The following AMBRA1 variants were observed in gnomAD, a reference collection of about 807,000 sequenced individuals.
AMBRA1 encodes the protein activating molecule in BECN1-regulated autophagy protein 1.
In AMBRA1, 47 loss-of-function variants were observed where a neutral mutation model predicts 125.4. That is an observed-to-expected ratio of 0.37 (90% confidence interval 0.30 to 0.48). The LOEUF (loss-of-function observed/expected upper bound fraction) is 0.48, where lower values mean the gene tolerates loss of function less well. AMBRA1 is among the 20% of genes least tolerant of loss of function. The pLI, the probability that AMBRA1 is intolerant of heterozygous loss-of-function variation, is 0.99. For missense variants in AMBRA1, 1,331 were observed against 1,693.4 expected, an observed-to-expected ratio of 0.79 and a Z score of 3.76; for synonymous variants, 626 against 655.5, an observed-to-expected ratio of 0.95 and a Z score of 0.69.
At chr11:46,515,431 C>A (rs568479449) in intron 7 of AMBRA1, among the ~76,000 whole-genome samples, 2 of 152,248 alleles carry the variant, frequency 1.3e-5, no homozygotes, top group African/African-American at 4.8e-5. Flanking sequence ...TGAGATCGCA[C>A]TACTGCACTC....
chr11:46,433,746 G>A, intron 13 of AMBRA1, 118 bp from the exon 14 acceptor site: 1 of 1,087,120 alleles, frequency 9.2e-7, no homozygotes, highest in South Asian at 1.5e-5. Flanking sequence ...TCATCCTGGT[G>A]TTATCTCATA....
intron 12 of AMBRA1, among the ~76,000 whole-genome samples, chr11:46,441,813 G>A (rs1008155377): frequency 6.6e-6 from 1 of 152,010 alleles, no homozygotes; most frequent in Non-Finnish European, 1.5e-5. Flanking sequence ...TTTCAACAAA[G>A]ATTTAATGGA....
intron 17 of AMBRA1, among the ~76,000 whole-genome samples, chr11:46,398,500 T>C (rs974450432): frequency 6.6e-6 from 1 of 152,202 alleles, no homozygotes; most frequent in Non-Finnish European, 1.5e-5. Flanking sequence ...ATTGATTGAT[T>C]GATTGATGGA....
chr11:46,428,656 C>G, intron 14 of AMBRA1: 1 of 1,594,066 alleles, frequency 6.3e-7, no homozygotes, highest in Non-Finnish European at 8.5e-7. Context: ...TCCAATTTTA[C>G]TGAGGTGGCT....
intron 6 of AMBRA1, 105 bp downstream of exon 6, chr11:46,543,870 A>G (rs1042024546): frequency 2.2e-6 from 2 of 924,588 alleles, no homozygotes; most frequent in Admixed American, 2.1e-5. Context: ...TGGAAAGATA[A>G]GACTTGGGTA....
In AMBRA1 at chr11:46,481,513, G is replaced by T. The variant is rs548135263; in HGVS notation, c.2521+12095C>A. Among the ~76,000 whole-genome samples, 14 of 152,158 alleles carry T rather than the reference G, an allele frequency of 9.2e-5. No individual in the cohort carries two copies. In the South Asian group the frequency reaches 1.7e-3, roughly 18 times the overall value. ...TGAGTAGCTGGGATTACAGGCATGC[G>T]TCACCATGCCTGGCTAATTTTATAT... On this transcript the variant is annotated intron_variant, in intron 11 of 17. Transcript: ENST00000683756.
intron 7 of AMBRA1, among the ~76,000 whole-genome samples, chr11:46,536,095 G>T (rs1325740164): frequency 6.6e-6 from 1 of 152,124 alleles, no homozygotes; most frequent in African/African-American, 2.4e-5. Context: ...TATAGTAATA[G>T]GTTTTTTAAT....
intron 13 of AMBRA1, among the ~76,000 whole-genome samples, chr11:46,434,646 T>C (rs1194993522): frequency 6.6e-6 from 1 of 152,200 alleles, no homozygotes; most frequent in Non-Finnish European, 1.5e-5. Flanking sequence ...AACAGGGGCA[T>C]GCGGTAGGAC....
intron 14 of AMBRA1, among the ~76,000 whole-genome samples, chr11:46,418,729 T>C (rs767645986): frequency 1.3e-5 from 2 of 152,162 alleles, no homozygotes; most frequent in Non-Finnish European, 2.9e-5. Flanking sequence ...CTCTTAGTTT[T>C]GGGGAGAGCT....
At chr11:46,447,016 T>A (rs1442344231) in intron 11 of AMBRA1, among the ~76,000 whole-genome samples, 3 of 152,360 alleles carry the variant, frequency 2.0e-5, no homozygotes, top group East Asian at 3.9e-4. Context: ...TGTGACTTTG[T>A]ATAAATTAAT....
chr11:46,442,706 AG>A (rs1948078605), intron 12 of AMBRA1, among the ~76,000 whole-genome samples: 1 of 152,252 alleles, frequency 6.6e-6, no homozygotes, highest in African/African-American at 2.4e-5. Context: ...CATACCATTG[AG>A]ATGAATAAAG....
At chr11:46,446,711 G>C (rs982825164) in intron 11 of AMBRA1, among the ~76,000 whole-genome samples, 1 of 152,194 alleles carries the variant, frequency 6.6e-6, no homozygotes, top group Admixed American at 6.5e-5. Flanking sequence ...AGACACTGCC[G>C]AATGTCCTCT....
chr11:46,417,320 G>A (rs1431210545), intron 15 of AMBRA1, among the ~76,000 whole-genome samples: 7 of 152,134 alleles, frequency 4.6e-5, no homozygotes, highest in African/African-American at 1.7e-4. Flanking sequence ...AAAGTGCTGG[G>A]ATTACAGGCA....
intron 7 of AMBRA1, among the ~76,000 whole-genome samples, chr11:46,538,807 T>C (rs1952606373): frequency 6.6e-6 from 1 of 152,230 alleles, no homozygotes; most frequent in Non-Finnish European, 1.5e-5. Flanking sequence ...CAGTAGTTTC[T>C]GGGTTTTAAA....
intron 7 of AMBRA1, among the ~76,000 whole-genome samples, chr11:46,527,755 C>T (rs753175171): frequency 6.6e-6 from 1 of 151,746 alleles, no homozygotes; most frequent in Non-Finnish European, 1.5e-5. Flanking sequence ...ATTTATTTAT[C>T]GCCTCACACC....
chr11:46,567,539 TTAG>T, intron 1 of AMBRA1, among the ~76,000 whole-genome samples: 1 of 151,920 alleles, frequency 6.6e-6, no homozygotes, highest in South Asian at 2.1e-4. Flanking sequence ...TTTCATATTT[TTAG>T]TAGAGATGGG....
chr11:46,579,226 G>A (rs1565319324), intron 1 of AMBRA1, among the ~76,000 whole-genome samples: 2 of 152,132 alleles, frequency 1.3e-5, no homozygotes, highest in Non-Finnish European at 2.9e-5. Flanking sequence ...GGGAGGCTGA[G>A]GCAGGAGTAT....
chr11:46,493,532 T>C (rs896307481), intron 11 of AMBRA1, 76 bp downstream of exon 11: 10 of 1,185,302 alleles, frequency 8.4e-6, no homozygotes, highest in Admixed American at 7.4e-5. Context: ...CACATCAACA[T>C]AGGTAAAGGA....
At chr11:46,591,871 C>CAA (rs1354732346) in intron 1 of AMBRA1, among the ~76,000 whole-genome samples, 4 of 150,162 alleles carry the variant, frequency 2.7e-5, no homozygotes, top group Non-Finnish European at 5.9e-5. Context: ...AACACACACA[C>CAA]AAAAAAACGC....
Sources: gnomAD v4.1 joint callset for allele counts (sites outside exome capture counted in the v4.1 genomes callset) on GRCh38, gnomAD v4.1.1 for gene constraint, MANE v1.5 for transcripts, NCBI Gene and HGNC (gene_info 2026-07-23, HGNC 2026-07-21) for gene names.